CFAP221: variants seen among roughly 807,000 people sequenced by gnomAD.
CFAP221 encodes the protein cilia- and flagella-associated protein 221.
A neutral mutation model predicts 113.1 loss-of-function variants in CFAP221; 97 were observed. That is an observed-to-expected ratio of 0.86 (90% CI 0.73 to 1.02). CFAP221 has a LOEUF of 1.02. CFAP221 is among the 50% of genes least tolerant of loss of function. CFAP221 has a pLI of 0.00. For missense variants in CFAP221, 1,025 were observed against 1,013.4 expected (o/e 1.01, Z -0.16); for synonymous variants, 331 against 354.4 (o/e 0.93, Z 0.74).
At chr2:119,644,383 A>G (rs1687674202) in intron 21 of CFAP221, among the ~76,000 whole-genome samples, 1 of 152,200 alleles carries the variant, frequency 6.6e-6, no homozygotes, top group Admixed American at 6.5e-5. Context: ...GTCCCTGGCG[A>G]GCGGCCCAGA....
At chr2:119,563,540 C>T (rs1172848524) in intron 6 of CFAP221, among the ~76,000 whole-genome samples, 1 of 152,092 alleles carries the variant, frequency 6.6e-6, no homozygotes, top group African/African-American at 2.4e-5. Flanking sequence ...CTCTCCCCTG[C>T]CCCCACCTGC....
intron 19 of CFAP221, among the ~76,000 whole-genome samples, chr2:119,633,726 A>G (rs1686936853): frequency 1.4e-4 from 1 of 7,158 alleles, no homozygotes; most frequent in Admixed American, 3.6e-3. Context: ...GCTATATGAA[A>G]AAAATACCAC....
intron 7 of CFAP221, among the ~76,000 whole-genome samples, chr2:119,598,802 A>G (rs1211355632): frequency 1.3e-5 from 2 of 152,212 alleles, no homozygotes; most frequent in East Asian, 3.8e-4. Context: ...ACACCTTCAC[A>G]GTGTGCTTTA....
rs889471791 is a variant in CFAP221 at position 119,580,391 on chromosome 2, A to G, written c.528-6728A>G. The G allele has an allele frequency of 2.6e-5, 4 of 152,212 alleles. No individual in the cohort carries two copies. In the South Asian group the frequency reaches 6.2e-4, roughly 24 times the overall value. 9.4% of individuals were successfully genotyped at this position (152,212 alleles called of 1,614,324 possible). Reference sequence around the variant, plus strand: ...AGTATATAAAGTCTGATGCAGGCCTATACCCTATTGGGGATCTCATGTGCT... The same window carrying G: ...AGTATATAAAGTCTGATGCAGGCCTGTACCCTATTGGGGATCTCATGTGCT... On this transcript the variant is annotated intron_variant, in intron 6 of 23. Transcript: ENST00000413369.
At chr2:119,642,390 A>G (rs1687545030) in intron 21 of CFAP221, among the ~76,000 whole-genome samples, 1 of 152,166 alleles carries the variant, frequency 6.6e-6, no homozygotes, top group Admixed American at 6.5e-5. Context: ...ACTGAAATTT[A>G]TTTCTCAGTT....
intron 14 of CFAP221, among the ~76,000 whole-genome samples, chr2:119,621,592 C>A (rs946946358): frequency 6.6e-6 from 1 of 152,188 alleles, no homozygotes; most frequent in Non-Finnish European, 1.5e-5. Context: ...AATACACATT[C>A]TTCTCAGCAC....
intron 19 of CFAP221, among the ~76,000 whole-genome samples, chr2:119,637,145 C>T (rs1687165997): frequency 6.6e-6 from 1 of 152,202 alleles, no homozygotes; most frequent in South Asian, 2.1e-4. Context: ...TGCTTGTTTC[C>T]ACATTACTGT....
chr2:119,588,017 A>G (rs1173260754), intron 7 of CFAP221, among the ~76,000 whole-genome samples: 1 of 152,218 alleles, frequency 6.6e-6, no homozygotes, highest in Non-Finnish European at 1.5e-5. Flanking sequence ...ATATTGCAAA[A>G]AACAGGACTT....
intron 6 of CFAP221, among the ~76,000 whole-genome samples, chr2:119,585,720 A>C (rs941231399): frequency 2.0e-5 from 3 of 152,228 alleles, no homozygotes; most frequent in African/African-American, 7.2e-5. Context: ...TCATATCCCC[A>C]AAATTGCTAC....
At chr2:119,607,880 A>G (rs1684878197) in intron 11 of CFAP221, among the ~76,000 whole-genome samples, 1 of 152,258 alleles carries the variant, frequency 6.6e-6, no homozygotes, top group African/African-American at 2.4e-5. Context: ...TTGAATGGAT[A>G]TGCAACATTT....
At chr2:119,581,651 G>C (rs1328330999) in intron 6 of CFAP221, among the ~76,000 whole-genome samples, 1 of 152,240 alleles carries the variant, frequency 6.6e-6, no homozygotes, top group Non-Finnish European at 1.5e-5. Context: ...GGAGGGAATG[G>C]TATAGAATAA....
At chr2:119,645,130 G>GTC (rs375788106) in intron 21 of CFAP221, among the ~76,000 whole-genome samples, 102 of 147,536 alleles carry the variant, frequency 6.9e-4, no homozygotes, top group Middle Eastern at 3.5e-3. Context: ...GTCTCTGTCT[G>GTC]TCTCTCTCTC....
chr2:119,627,546 C>G (rs1686400810), intron 15 of CFAP221, 107 bp from the exon 16 acceptor site: 1 of 909,142 alleles, frequency 1.1e-6, no homozygotes. Context: ...TATATATATA[C>G]ACACCCACCC....
At position 119,547,223 on chromosome 2, in the gene CFAP221, A is replaced by G. The variant is rs536425569; in HGVS notation, c.139+953A>G. Among the ~76,000 whole-genome samples the G allele has an allele frequency of 4.6e-5, 7 of 152,352 alleles. No homozygotes were observed. The East Asian group carries it at 1.2e-3, about 25-fold the overall frequency. On this transcript the variant is annotated intron_variant, in intron 2 of 23. Transcript: ENST00000413369. ...ATTAGAAGAAAAATGCCAGTTTTATATCTACTTCGTGGATCTAAAATAAAA... is the reference window on the plus strand; with the variant it reads ...ATTAGAAGAAAAATGCCAGTTTTATGTCTACTTCGTGGATCTAAAATAAAA...
chr2:119,633,354 A>AG (rs1686913936), intron 19 of CFAP221, among the ~76,000 whole-genome samples: 2 of 151,766 alleles, frequency 1.3e-5, no homozygotes, highest in Admixed American at 1.3e-4. Context: ...AAATGAAAAA[A>AG]AAATGGATTA....
intron 3 of CFAP221, among the ~76,000 whole-genome samples, chr2:119,557,846 T>C (rs971018880): frequency 6.7e-6 from 1 of 148,776 alleles, no homozygotes; most frequent in Non-Finnish European, 1.5e-5. Context: ...CTACTAAAAA[T>C]ACAAAAGTTA....
Position 119,565,827 on chromosome 2 carries a change from AG to A in CFAP221, c.527+3718del, listed in dbSNP as rs1291713130. Among the ~76,000 whole-genome samples, 7 of 152,334 alleles carry A rather than the reference AG, an allele frequency of 4.6e-5. No individual in the cohort carries two copies. In the East Asian group the frequency reaches 7.7e-4, roughly 17 times the overall value. ...AATCCAAAATGTGTGGTAACAGGAC[AG>A]GGGGTGACTACTAGAACACGTTTTC... On this transcript the variant is annotated intron_variant, in intron 6 of 23. Coordinates refer to ENST00000413369, the MANE Select transcript of CFAP221 (RefSeq NM_001271049.2).
chr2:119,609,804 G>A (rs1270482735), intron 12 of CFAP221, among the ~76,000 whole-genome samples: 1 of 152,114 alleles, frequency 6.6e-6, no homozygotes, highest in Non-Finnish European at 1.5e-5. Context: ...TGGGATTGGG[G>A]AAAAACATTT....
intron 19 of CFAP221, among the ~76,000 whole-genome samples, chr2:119,637,542 A>G (rs1204931281): frequency 6.6e-6 from 1 of 152,210 alleles, no homozygotes; most frequent in African/African-American, 2.4e-5. Context: ...ATTAAACATC[A>G]AACATCTGAG....
Sources: allele counts gnomAD v4.1 joint callset (sites outside exome capture counted in the v4.1 genomes callset), GRCh38; gene constraint gnomAD v4.1.1; transcripts MANE v1.5; gene names NCBI Gene and HGNC (gene_info 2026-07-23, HGNC 2026-07-21).